UPRT: variants seen among roughly 807,000 people sequenced by gnomAD.
The protein encoded by UPRT is uracil phosphoribosyltransferase homolog.
UPRT carries 5 observed loss-of-function variants against 22.6 expected under a neutral mutation model. That is an observed-to-expected ratio of 0.22 (90% confidence interval 0.12 to 0.47). UPRT has a LOEUF of 0.47. Ranked by LOEUF, UPRT falls within the 20% of genes least tolerant of loss-of-function variation. The probability of loss-of-function intolerance (pLI) is 0.99; values close to 1 mark genes in which losing one functional copy is unlikely to be tolerated. For synonymous variants in UPRT, 77 were observed against 87.7 expected, an observed-to-expected ratio of 0.88 and a Z score of 0.68; for missense variants, 181 against 239.9, an observed-to-expected ratio of 0.75 and a Z score of 1.62.
chrX:75,214,678 G>A (rs777075930), intron 4 of UPRT, among the ~76,000 whole-genome samples: 1 of 112,236 alleles, frequency 8.9e-6, no homozygotes, highest in African/African-American at 3.2e-5. Context: ...GAGAGGCTGA[G>A]GCAGGAGGAT....
chrX:75,203,006 A>G (rs2082351366), intron 4 of UPRT, among the ~76,000 whole-genome samples: 1 of 111,923 alleles, frequency 8.9e-6, no homozygotes, highest in Non-Finnish European at 1.9e-5. Context: ...AGACTGGCAA[A>G]CTGGATAAAA....
At chrX:75,224,432 T>G (rs1015237786) in intron 4 of UPRT, among the ~76,000 whole-genome samples, 4 of 110,706 alleles carry the variant, frequency 3.6e-5, no homozygotes, top group Non-Finnish European at 7.6e-5. Context: ...TTAGAATAAA[T>G]TATTTCAGTG....
At chrX:75,238,598 T>C (rs1602468018) in intron 4 of UPRT, among the ~76,000 whole-genome samples, 1 of 111,482 alleles carries the variant, frequency 9.0e-6, no homozygotes, top group East Asian at 2.8e-4. Context: ...AACAATGGAC[T>C]TAAAAGAAGA....
At chrX:75,235,603 T>C (rs1261278864) in intron 4 of UPRT, among the ~76,000 whole-genome samples, 10 of 111,580 alleles carry the variant, frequency 9.0e-5, no homozygotes, top group Non-Finnish European at 1.5e-4. Flanking sequence ...TCCACCATGA[T>C]CAAGTGGGCT....
At chrX:75,300,999 A>C in intron 6 of UPRT, 34 bp downstream of exon 6, 1 of 1,065,956 alleles carries the variant, frequency 9.4e-7, no homozygotes. Flanking sequence ...CTAGGGCTCC[A>C]TATAGTCCTG....
At chrX:75,193,029 G>T (rs887255131) in intron 4 of UPRT, among the ~76,000 whole-genome samples, 1 of 111,902 alleles carries the variant, frequency 8.9e-6, no homozygotes, top group African/African-American at 3.2e-5. Context: ...TGGTTATTAC[G>T]CAGACTTGTT....
chrX:75,252,970 C>T lies in UPRT; in HGVS notation c.-446-38054C>T, dbSNP rs189546674. 2.7e-5 allele frequency among the ~76,000 whole-genome samples: 3 copies of T among 111,163 alleles called. No individual in the cohort carries two copies. The East Asian group carries it at 8.5e-4, about 32-fold the overall frequency. ...AAAAACGAAACACCACATGTTGTCA[C>T]TCATAGGTGAGAATTGAACAATGAG... On this transcript the variant is annotated intron_variant, in intron 4 of 13. Coordinates refer to the UPRT transcript ENST00000652605.
At chrX:75,219,723 CATT>C (rs751498508) in intron 4 of UPRT, among the ~76,000 whole-genome samples, 50 of 110,715 alleles carry the variant, frequency 4.5e-4, no homozygotes, top group African/African-American at 1.6e-3. Flanking sequence ...TATATAAAGC[CATT>C]ATTATTAGAG....
At chrX:75,170,556 G>A (rs953209729) in intron 4 of UPRT, among the ~76,000 whole-genome samples, 22 of 111,763 alleles carry the variant, frequency 2.0e-4, no homozygotes, top group African/African-American at 7.2e-4. Flanking sequence ...TTTAAGTAGA[G>A]CATTTAGGCC....
intron 4 of UPRT, among the ~76,000 whole-genome samples, chrX:75,174,703 T>C (rs1012489078): frequency 1.8e-5 from 2 of 112,024 alleles, no homozygotes; most frequent in African/African-American, 3.2e-5. Flanking sequence ...GGAGAGTCAC[T>C]GCTGCCAAAG....
At chrX:75,266,123 C>T (rs1024827278) in intron 4 of UPRT, among the ~76,000 whole-genome samples, 3 of 111,297 alleles carry the variant, frequency 2.7e-5, no homozygotes, top group African/African-American at 9.8e-5. Context: ...AAAGAGCCCA[C>T]ATTGCCAAGT....
chrX:75,271,198 T>C (rs1287607612), upstream of UPRT, among the ~76,000 whole-genome samples: 9 of 110,762 alleles, frequency 8.1e-5, no homozygotes, highest in Non-Finnish European at 1.7e-4. Flanking sequence ...AAATAGCCCA[T>C]ATAGCCAAAA....
At chrX:75,282,421 A>G (rs1337781071) in intron 1 of UPRT, among the ~76,000 whole-genome samples, 1 of 110,112 alleles carries the variant, frequency 9.1e-6, no homozygotes, top group Non-Finnish European at 1.9e-5. Context: ...CCCTCTTAGC[A>G]CTGCCTTTGC....
At chrX:75,185,262 G>A (rs1166127049) in intron 4 of UPRT, among the ~76,000 whole-genome samples, 5 of 111,884 alleles carry the variant, frequency 4.5e-5, no homozygotes, top group East Asian at 5.6e-4. Context: ...GGCCTTTTCT[G>A]CATCTATTGA....
At chrX:75,167,034 G>A (rs2082215060) in intron 3 of UPRT, among the ~76,000 whole-genome samples, 1 of 111,725 alleles carries the variant, frequency 9.0e-6, no homozygotes, top group African/African-American at 3.3e-5. Flanking sequence ...GTGTACATGT[G>A]CATGCATTTC....
chrX:75,207,076 G>A lies in UPRT; in HGVS notation c.-447+39197G>A, dbSNP rs918314807. ...CCCTTACAATGGATAATGGCAGCCT[G>A]TAGTTGTAGTTTAGCTGCCTCCAGC... is the stretch of plus-strand genomic sequence containing the variant. On this transcript the variant is annotated intron_variant, in intron 4 of 13. Transcript: ENST00000652605. Among the ~76,000 whole-genome samples, 3 of 112,510 alleles carry A rather than the reference G, an allele frequency of 2.7e-5. No homozygotes were observed. The Admixed American group carries it at 2.8e-4, about 11-fold the overall frequency.
At chrX:75,295,780 T>C (rs1304768440) in intron 2 of UPRT, among the ~76,000 whole-genome samples, 1 of 111,916 alleles carries the variant, frequency 8.9e-6, no homozygotes, top group Non-Finnish European at 1.9e-5. Context: ...TTATGATTGA[T>C]ATGAGCCTTT....
chrX:75,179,816 G>A (rs977979357), intron 4 of UPRT, among the ~76,000 whole-genome samples: 23 of 112,611 alleles, frequency 2.0e-4, no homozygotes, highest in African/African-American at 5.2e-4. Flanking sequence ...CTCCGAGCGC[G>A]GGGCCCGCCA....
chrX:75,295,208 C>A (rs746745017), intron 2 of UPRT, among the ~76,000 whole-genome samples: 12 of 110,335 alleles, frequency 1.1e-4, no homozygotes, highest in African/African-American at 3.6e-4. Flanking sequence ...CCTTGGCCCT[C>A]AGATCCTTGG....
Sources: allele counts gnomAD v4.1 joint callset (sites outside exome capture counted in the v4.1 genomes callset), GRCh38; gene constraint gnomAD v4.1.1; transcripts MANE v1.5; gene names NCBI Gene and HGNC (gene_info 2026-07-23, HGNC 2026-07-21).